The following TOM1L2 variants were observed in gnomAD, a reference collection of about 807,000 sequenced individuals.
TOM1L2 encodes the protein target of myb1 like 2 membrane trafficking protein.
A neutral mutation model predicts 67.9 loss-of-function variants in TOM1L2; 31 were observed. The observed-to-expected ratio is 0.46, with a 90% CI of 0.34 to 0.62. The LOEUF (loss-of-function observed/expected upper bound fraction) is 0.62, where lower values mean the gene tolerates loss of function less well. Ranked by LOEUF, TOM1L2 falls within the 20% of genes least tolerant of loss-of-function variation. The pLI, the probability that TOM1L2 is intolerant of heterozygous loss-of-function variation, is 0.01. For missense variants in TOM1L2, 606 were observed against 663.5 expected, an observed-to-expected ratio of 0.91 and a Z score of 0.95; for synonymous variants, 256 against 254.0, an observed-to-expected ratio of 1.01 and a Z score of -0.07.
intron 4 of TOM1L2, among the ~76,000 whole-genome samples, chr17:17,890,991 C>A (rs964715449): frequency 3.9e-5 from 6 of 152,196 alleles, no homozygotes; most frequent in Non-Finnish European, 5.9e-5. Flanking sequence ...GGTAAGAGCT[C>A]TTCAGGAACA....
At chr17:17,938,219 G>A (rs1428800928) in intron 1 of TOM1L2, among the ~76,000 whole-genome samples, 1 of 152,222 alleles carries the variant, frequency 6.6e-6, no homozygotes, top group Non-Finnish European at 1.5e-5. Context: ...AGACCAACGT[G>A]GGATGTGCTG....
intron 1 of TOM1L2, among the ~76,000 whole-genome samples, chr17:17,961,403 C>CA (rs1050051498): frequency 1.3e-5 from 2 of 151,850 alleles, no homozygotes; most frequent in East Asian, 1.9e-4. Flanking sequence ...CTTGCCACTA[C>CA]AAAAAAATAA....
intron 7 of TOM1L2, among the ~76,000 whole-genome samples, chr17:17,871,136 C>A (rs923723345): frequency 1.3e-5 from 2 of 152,142 alleles, no homozygotes; most frequent in African/African-American, 4.8e-5. Context: ...TATTGGAGGC[C>A]GAGGCGGATG....
In TOM1L2 at chr17:17,879,693, G is replaced by A; in HGVS notation, c.711C>T (p.Val237=). The A allele has an allele frequency of 6.2e-7, 1 of 1,614,210 alleles. No individual in the cohort carries two copies. Among genetic ancestry groups the A allele is most frequent in the South Asian group, 1.1e-5 (1 of 91,082 alleles). ...CCATTTCTGTTAACATCTCAGACAT[G>A]ACTTTTGTGTTTCCTCGAACGACGT... ...ELDVVRGNTK[V]MSEMLTEMVP... The change falls in exon 7 of 15, where the codon GTC becomes GTT. Residue 237 remains valine (V), a synonymous_variant. Coordinates refer to ENST00000379504, the MANE Select transcript of TOM1L2 (RefSeq NM_001082968.2).
At chr17:17,952,376 C>CTTTTTTTTTTTTTTTTTTTTTTTTTTTT (rs60388742) in intron 1 of TOM1L2, among the ~76,000 whole-genome samples, 1 of 79,920 alleles carries the variant, frequency 1.3e-5, no homozygotes. Flanking sequence ...TCTTTATTTT[C>CTTTTTTTTTTTTTTTTTTTTTTTTTTTT]TTTTTTTTTT....
chr17:17,949,712 T>C (rs566987554), intron 1 of TOM1L2, among the ~76,000 whole-genome samples: 2 of 152,300 alleles, frequency 1.3e-5, no homozygotes, highest in East Asian at 3.9e-4. Flanking sequence ...GCTGGTGGTG[T>C]GTCCCGAAAA....
intron 1 of TOM1L2, among the ~76,000 whole-genome samples, chr17:17,939,971 T>C (rs1390114377): frequency 6.6e-6 from 1 of 151,652 alleles, no homozygotes; most frequent in Non-Finnish European, 1.5e-5. Context: ...GTCGGGAGGA[T>C]CACTTGAGGT....
intron 7 of TOM1L2, among the ~76,000 whole-genome samples, chr17:17,871,480 G>A (rs1284595121): frequency 6.6e-6 from 1 of 152,176 alleles, no homozygotes; most frequent in Non-Finnish European, 1.5e-5. Flanking sequence ...GACCAGCTTG[G>A]CCAACATGGT....
intron 7 of TOM1L2, among the ~76,000 whole-genome samples, chr17:17,870,133 T>C (rs958471646): frequency 6.6e-6 from 1 of 152,168 alleles, no homozygotes; most frequent in Non-Finnish European, 1.5e-5. Context: ...GCATTAGGTA[T>C]ATTTTGGTGG....
intron 14 of TOM1L2, 101 bp from the exon 15 acceptor site, chr17:17,847,884 C>T (rs567043265): frequency 2.6e-6 from 4 of 1,519,648 alleles, no homozygotes; most frequent in Admixed American, 3.4e-5. Context: ...CTAGGGCAGG[C>T]ATGAAGCCCA....
rs372626043 is a variant in TOM1L2 at position 17,850,907 on chromosome 17, G to A, written c.1324C>T (p.Leu442Phe). 3 of 1,614,102 alleles carry A rather than the reference G, an allele frequency of 1.9e-6. No individual in the cohort carries two copies. Among genetic ancestry groups the A allele is most frequent in the East Asian group, 2.2e-5 (1 of 44,894 alleles). Residue 442 changes from leucine to phenylalanine, a missense_variant, in exon 13 of 15, where the codon CTC becomes TTC. Transcript: ENST00000379504. ...TCGAGTCTCACCAGGTCGGTCCTGAGCCACACCTCAATGTCGTCCATGACA... is the reference window on the plus strand; with the variant it reads ...TCGAGTCTCACCAGGTCGGTCCTGAACCACACCTCAATGTCGTCCATGACA... ...PSVMDDIEVW[L>F]RTDLKGDDLE... is the part of the protein sequence containing the mutation.
At chr17:17,942,533 TTATGGGCCGATATG>T (rs1034565922) in intron 1 of TOM1L2, among the ~76,000 whole-genome samples, 22 of 152,214 alleles carry the variant, frequency 1.4e-4, no homozygotes, top group Admixed American at 7.9e-4. Flanking sequence ...TAAGATCTTA[TTATGGGCCGATATG>T]TATGGGCCGA....
At chr17:17,850,628 G>A (rs1379717944) in intron 13 of TOM1L2, among the ~76,000 whole-genome samples, 4 of 152,220 alleles carry the variant, frequency 2.6e-5, no homozygotes, top group African/African-American at 4.8e-5. Context: ...AGCCAGCTAC[G>A]GCTAGGACTG....
intron 1 of TOM1L2, among the ~76,000 whole-genome samples, chr17:17,915,142 G>A (rs556494235): frequency 8.5e-5 from 13 of 152,218 alleles, no homozygotes; most frequent in Admixed American, 6.5e-4. Flanking sequence ...TCTGAGTATC[G>A]GCGAAGTGTG....
At position 17,869,489 on chromosome 17, in the gene TOM1L2, A is replaced by G; in HGVS notation, c.778-16T>C. 6.3e-7 allele frequency: 1 copy of G among 1,582,408 alleles called. No individual in the cohort carries two copies. Among genetic ancestry groups the G allele is most frequent in the Non-Finnish European group, 8.6e-7 (1 of 1,163,962 alleles). ...TGTTGAGCTCCTAGGGAACACATGCACCTCTGGGTAGCCTGCTGGGTGTGC... is the reference window on the plus strand; with the variant it reads ...TGTTGAGCTCCTAGGGAACACATGCGCCTCTGGGTAGCCTGCTGGGTGTGC... On this transcript the variant is annotated splice_polypyrimidine_tract_variant and intron_variant, in intron 7 of 14. Transcript: ENST00000379504.
At chr17:17,864,538 A>G (rs1598208346) in intron 10 of TOM1L2, among the ~76,000 whole-genome samples, 1 of 136,024 alleles carries the variant, frequency 7.4e-6, no homozygotes, top group Admixed American at 7.5e-5. Flanking sequence ...TTGAGATGGC[A>G]TCTTGCTCTG....
intron 1 of TOM1L2, among the ~76,000 whole-genome samples, chr17:17,941,524 T>C (rs963677013): frequency 6.6e-6 from 1 of 152,114 alleles, no homozygotes; most frequent in African/African-American, 2.4e-5. Context: ...CAGAACTAGA[T>C]CAGATCTTTT....
At chr17:17,868,075 C>T (rs1236831329) in intron 8 of TOM1L2, among the ~76,000 whole-genome samples, 2 of 152,172 alleles carry the variant, frequency 1.3e-5, no homozygotes, top group African/African-American at 4.8e-5. Context: ...TCCTGTTATG[C>T]TTTCTAGCAG....
At chr17:17,934,677 A>C (rs899702785) in intron 1 of TOM1L2, among the ~76,000 whole-genome samples, 1 of 152,220 alleles carries the variant, frequency 6.6e-6, no homozygotes, top group African/African-American at 2.4e-5. Flanking sequence ...GTCGACCTAT[A>C]CAGCCATCAG....
Sources: allele counts gnomAD v4.1 joint callset (sites outside exome capture counted in the v4.1 genomes callset), GRCh38; gene constraint gnomAD v4.1.1; transcripts MANE v1.5; gene names NCBI Gene and HGNC (gene_info 2026-07-23, HGNC 2026-07-21).